FAM153A: variants seen among roughly 807,000 people sequenced by gnomAD.
The protein encoded by FAM153A is family with sequence similarity 153 member A.
A neutral mutation model predicts 48.1 loss-of-function variants in FAM153A; 12 were observed. The ratio of observed to expected loss-of-function variants is 0.25; its 90% confidence interval spans 0.16 to 0.40. FAM153A has a LOEUF of 0.40. Ranked by LOEUF, FAM153A falls within the 10% of genes least tolerant of loss-of-function variation. FAM153A has a pLI of 1.00. For missense variants in FAM153A, 111 were observed against 345.8 expected (o/e 0.32, Z 5.38); for synonymous variants, 36 against 118.2 (o/e 0.30, Z 4.51).
chr5:177,758,939 C>T (rs1768025260), intron 1 of FAM153A, among the ~76,000 whole-genome samples: 1 of 151,572 alleles, frequency 6.6e-6, no homozygotes, highest in South Asian at 2.1e-4. Context: ...TCTAAAACAC[C>T]AAAAGCAATG....
downstream of FAM153A, among the ~76,000 whole-genome samples, chr5:177,710,612 T>G (rs893323530): frequency 6.8e-6 from 1 of 147,374 alleles, no homozygotes; most frequent in African/African-American, 2.5e-5. Flanking sequence ...TATTTAATTT[T>G]TAAACTTGCT....
At chr5:177,768,962 A>G (rs1561957545) in intron 1 of FAM153A, among the ~76,000 whole-genome samples, 1 of 95,218 alleles carries the variant, frequency 1.1e-5, no homozygotes, top group Non-Finnish European at 2.2e-5. Context: ...AGTGGCTCAC[A>G]CCTGTAATCC....
chr5:177,755,686 T>C (rs1452588452), upstream of FAM153A, among the ~76,000 whole-genome samples: 4 of 151,818 alleles, frequency 2.6e-5, no homozygotes, highest in Non-Finnish European at 4.4e-5. Flanking sequence ...ATATTCAACA[T>C]TCTTAAAGAA....
chr5:177,721,902 CT>C (rs1250345843), downstream of FAM153A: 1 of 149,404 alleles, frequency 6.7e-6, no homozygotes, highest in Non-Finnish European at 1.5e-5. Flanking sequence ...ATTGATGTAA[CT>C]TACCATACTA....
intron 2 of FAM153A, among the ~76,000 whole-genome samples, chr5:177,749,080 C>T (rs1416384686): frequency 1.3e-4 from 18 of 143,976 alleles, no homozygotes; most frequent in Non-Finnish European, 2.1e-4. Context: ...TCTACATATG[C>T]TCCTCCTGTA....
chr5:177,753,957 C>T (rs7735142), upstream of FAM153A, among the ~76,000 whole-genome samples: 143,809 of 151,954 alleles, frequency 0.95, 68,229 homozygotes, highest in East Asian at 1. Context: ...AGGTATCAGG[C>T]TCACCTCATT....
intron 1 of FAM153A, among the ~76,000 whole-genome samples, chr5:177,758,870 C>T (rs993644865): frequency 2.7e-5 from 4 of 148,502 alleles, no homozygotes; most frequent in South Asian, 2.2e-4. Context: ...ACCATAAAAA[C>T]CCTAGAAGAA....
upstream of FAM153A, among the ~76,000 whole-genome samples, chr5:177,753,849 T>C (rs1767361598): frequency 2.6e-5 from 4 of 151,874 alleles, no homozygotes; most frequent in Middle Eastern, 3.4e-3. Flanking sequence ...ACTGCATTAA[T>C]AGGGGGTGGA....
At chr5:177,711,111 A>C (rs985742900) in exon 27 of FAM153A, 1 of 151,672 alleles carries the variant, frequency 6.6e-6, no homozygotes, top group Non-Finnish European at 1.5e-5. Context: ...AATATGACAC[A>C]TATGTGTGTA....
At chr5:177,709,360 A>T (rs1276290570), downstream of FAM153A, among the ~76,000 whole-genome samples, 2 of 124,396 alleles carry the variant, frequency 1.6e-5, no homozygotes, top group African/African-American at 3.1e-5. Flanking sequence ...TGTAATTAGG[A>T]TTTTTTTTTT....
chr5:177,768,254 C>T (rs1231827481), intron 1 of FAM153A, among the ~76,000 whole-genome samples: 1 of 149,210 alleles, frequency 6.7e-6, no homozygotes, highest in African/African-American at 2.5e-5. Flanking sequence ...CAGGACACAC[C>T]ACCCTGTAGG....
chr5:177,719,303 T>C (rs1760597927), downstream of FAM153A, among the ~76,000 whole-genome samples: 1 of 149,858 alleles, frequency 6.7e-6, no homozygotes, highest in Admixed American at 6.7e-5. Flanking sequence ...TTATCAAAGC[T>C]TAGGGTAGGA....
At position 177,776,629 on chromosome 5, in the gene FAM153A, A is replaced by G. The variant is rs1480813638; in HGVS notation, c.-57+3820T>C. ...AAAAGAGGACACAAACAAATGGAAG[A>G]ACATTCCATGCTCATGGGTAGGAAG... On this transcript the variant is annotated intron_variant, in intron 1 of 8. Coordinates refer to the FAM153A transcript ENST00000393518. 2.8e-5 allele frequency among the ~76,000 whole-genome samples: 2 copies of G among 71,458 alleles called. 1 individual carries two copies. The allele number at this position is 71,458 out of a possible 152,430, so 46.9% of individuals were successfully genotyped here.
chr5:177,704,850 A>G (rs1057507250), downstream of FAM153A, among the ~76,000 whole-genome samples: 3 of 151,380 alleles, frequency 2.0e-5, no homozygotes, highest in African/African-American at 7.3e-5. Flanking sequence ...AATACAAAAA[A>G]TCAGCTGGAC....
chr5:177,702,850 ACT>A, the FAM153A span, among the ~76,000 whole-genome samples: 3 of 151,612 alleles, frequency 2.0e-5, no homozygotes, highest in South Asian at 4.1e-4. Flanking sequence ...GGCTTTGGAG[ACT>A]CTGCCTGTAT....
At position 177,771,640 on chromosome 5, in the gene FAM153A, G is replaced by T. The variant is rs569497177; in HGVS notation, c.-57+8809C>A. ...GGCTGTTGTTTAGGAAATTGGAATT[G>T]GGAGGGTTCCCACCATGCCCTAAGA... On this transcript the variant is annotated intron_variant, in intron 1 of 8. Coordinates refer to the FAM153A transcript ENST00000393518. Among the ~76,000 whole-genome samples the T allele has an allele frequency of 8.3e-3, 794 of 96,224 alleles. 282 individuals are homozygous for T. Among genetic ancestry groups the T allele is most frequent in the African/African-American group, 0.031 (746 of 24,170 alleles). The allele number at this position is 96,224 out of a possible 152,430, so 63.1% of individuals were successfully genotyped here.
At chr5:177,704,845 A>T (rs1757737681), downstream of FAM153A, among the ~76,000 whole-genome samples, 1 of 151,300 alleles carries the variant, frequency 6.6e-6, no homozygotes, top group South Asian at 2.1e-4. Flanking sequence ...ACTAAAATAC[A>T]AAAAATCAGC....
chr5:177,709,892 A>C (rs1758256790), downstream of FAM153A, among the ~76,000 whole-genome samples: 1 of 118,352 alleles, frequency 8.4e-6, no homozygotes. Flanking sequence ...CCAACTCCTG[A>C]CCTCAGTTGA....
At chr5:177,759,971 TAAAA>T (rs1195922689) in intron 1 of FAM153A, among the ~76,000 whole-genome samples, 1 of 140,886 alleles carries the variant, frequency 7.1e-6, no homozygotes, top group Non-Finnish European at 1.5e-5. Flanking sequence ...AAGTAAAAAA[TAAAA>T]AAAAACAAAA....
Sources: allele counts gnomAD v4.1 joint callset (sites outside exome capture counted in the v4.1 genomes callset), GRCh38; gene constraint gnomAD v4.1.1; transcripts MANE v1.5; gene names NCBI Gene and HGNC (gene_info 2026-07-23, HGNC 2026-07-21).